RBPMS2: variants seen among roughly 807,000 people sequenced by gnomAD.
RBPMS2 encodes RNA binding protein, mRNA processing factor 2.
A neutral mutation model predicts 25.7 loss-of-function variants in RBPMS2; 14 were observed. The observed-to-expected ratio is 0.55, with a 90% CI of 0.36 to 0.85. RBPMS2 has a LOEUF of 0.85. RBPMS2 is among the 40% of genes least tolerant of loss of function. RBPMS2 has a pLI of 0.01. For synonymous variants in RBPMS2, 127 were observed against 115.6 expected (o/e 1.10, Z -0.63); for missense variants, 252 against 283.4 (o/e 0.89, Z 0.80).
chr15:64,763,230 A>G (rs2083808933), intron 1 of RBPMS2, among the ~76,000 whole-genome samples: 1 of 152,146 alleles, frequency 6.6e-6, no homozygotes, highest in Non-Finnish European at 1.5e-5. Context: ...CCCAGGACTT[A>G]TAAGGCTCTG....
chr15:64,775,012 C>G (rs1487685378), intron 1 of RBPMS2, among the ~76,000 whole-genome samples: 18 of 150,656 alleles, frequency 1.2e-4, no homozygotes, highest in Non-Finnish European at 2.2e-4. Flanking sequence ...GCCTCGAGCC[C>G]GAGAGGGCGG....
At chr15:64,774,732 A>AGGCGGCCGGCCGGCCG (rs1555431926) in intron 1 of RBPMS2, among the ~76,000 whole-genome samples, 1 of 147,068 alleles carries the variant, frequency 6.8e-6, no homozygotes, top group African/African-American at 2.5e-5. Context: ...GGAACCGAGG[A>AGGCGGCCGGCCGGCCG]GCCGGCCGGC....
rs1043862265 is a variant in RBPMS2, at chr15:64,753,920, G to T, written c.88-2282C>A. Among the ~76,000 whole-genome samples, 5 of 152,118 alleles carry T rather than the reference G, an allele frequency of 3.3e-5. No individual in the cohort carries two copies. In the East Asian group the frequency reaches 9.6e-4, roughly 29 times the overall value. On this transcript the variant is annotated intron_variant, in intron 1 of 7. Coordinates refer to ENST00000300069, the MANE Select transcript of RBPMS2 (RefSeq NM_194272.3). The stretch of plus-strand genomic sequence containing the variant: ...CCAGCAGGCCTCTCTGCCCTTTGAT[G>T]TAAGGGCCTTGAGGTGTGCGTGTGA...
chr15:64,760,497 G>C (rs1394647539), intron 1 of RBPMS2, among the ~76,000 whole-genome samples: 1 of 152,120 alleles, frequency 6.6e-6, no homozygotes, highest in South Asian at 2.1e-4. Context: ...TAAGTTTGGA[G>C]GACAAATCCC....
At chr15:64,754,618 A>G (rs2083714969) in intron 1 of RBPMS2, among the ~76,000 whole-genome samples, 1 of 151,734 alleles carries the variant, frequency 6.6e-6, no homozygotes, top group Non-Finnish European at 1.5e-5. Context: ...TCTCAAAAAA[A>G]AAACCCAAAA....
chr15:64,751,566 A>ACGGC lies in RBPMS2; in HGVS notation c.156_159dup (p.Phe54AlafsTer6), dbSNP rs1438813137. On this transcript the variant is annotated frameshift_variant, in exon 2 of 8. Transcript: ENST00000300069. LOFTEE classifies it high-confidence loss of function. ...GCGGCTGGGTCCTGACTCACCTTGA[A>ACGGC]CGGCCGGAAGAGCAAGTAGAGTTCT... 1 of 1,613,614 alleles carries ACGGC rather than the reference A, an allele frequency of 6.2e-7. No homozygotes were observed. Among genetic ancestry groups the ACGGC allele is most frequent in the Non-Finnish European group, 8.5e-7 (1 of 1,179,732 alleles).
chr15:64,756,580 T>C (rs1223925783), intron 1 of RBPMS2, among the ~76,000 whole-genome samples: 1 of 151,914 alleles, frequency 6.6e-6, no homozygotes, highest in African/African-American at 2.4e-5. Flanking sequence ...CCTAGCTTCA[T>C]GCTTGGCCTG....
At chr15:64,745,255 A>G (rs1205304820) in intron 6 of RBPMS2, among the ~76,000 whole-genome samples, 2 of 152,226 alleles carry the variant, frequency 1.3e-5, no homozygotes, top group African/African-American at 4.8e-5. Context: ...ATTGGATGAT[A>G]AGCCAAAGGG....
At chr15:64,753,743 C>T (rs1166743260) in intron 1 of RBPMS2, among the ~76,000 whole-genome samples, 2 of 152,080 alleles carry the variant, frequency 1.3e-5, no homozygotes, top group African/African-American at 4.8e-5. Context: ...CCTCTGTGCC[C>T]GGGGTTGGGG....
chr15:64,756,817 T>TAAG (rs1567067194), intron 1 of RBPMS2, among the ~76,000 whole-genome samples: 3 of 149,158 alleles, frequency 2.0e-5, no homozygotes, highest in African/African-American at 7.4e-5. Flanking sequence ...TTTTTTTTTT[T>TAAG]TTTGGAGAGA....
At chr15:64,770,104 G>A (rs1022984989) in intron 1 of RBPMS2, among the ~76,000 whole-genome samples, 2 of 151,954 alleles carry the variant, frequency 1.3e-5, no homozygotes, top group Non-Finnish European at 2.9e-5. Flanking sequence ...GCTTGAACCT[G>A]GGAGGCAGAG....
intron 1 of RBPMS2, chr15:64,762,569 C>A: frequency 1.9e-6 from 1 of 527,846 alleles, no homozygotes. Flanking sequence ...ACTCAGGGTC[C>A]AGCTCAGAAG....
At chr15:64,765,598 G>C (rs982758786) in intron 1 of RBPMS2, among the ~76,000 whole-genome samples, 2 of 151,574 alleles carry the variant, frequency 1.3e-5, no homozygotes, top group Admixed American at 6.6e-5. Flanking sequence ...AAAAGGGCGG[G>C]GGGGGACCAG....
At chr15:64,757,397 C>A (rs906728646) in intron 1 of RBPMS2, among the ~76,000 whole-genome samples, 4 of 152,190 alleles carry the variant, frequency 2.6e-5, no homozygotes, top group African/African-American at 9.7e-5. Context: ...TTTACCTGCA[C>A]AAGGATCTCC....
At chr15:64,774,318 A>T (rs1215761542) in intron 1 of RBPMS2, among the ~76,000 whole-genome samples, 1 of 152,180 alleles carries the variant, frequency 6.6e-6, no homozygotes, top group Admixed American at 6.5e-5. Context: ...GGCCCTGCGA[A>T]GCCTGTCCCC....
chr15:64,766,452 C>A (rs1197214835), intron 1 of RBPMS2, among the ~76,000 whole-genome samples: 1 of 152,044 alleles, frequency 6.6e-6, no homozygotes, highest in Non-Finnish European at 1.5e-5. Flanking sequence ...GGAGGCTATG[C>A]CAGTGCCTGG....
intron 3 of RBPMS2, among the ~76,000 whole-genome samples, chr15:64,750,128 G>C (rs1040712254): frequency 1.3e-5 from 2 of 152,074 alleles, no homozygotes; most frequent in Non-Finnish European, 2.9e-5. Context: ...AGATTCCTAA[G>C]AAACAGACAG....
At chr15:64,747,127 G>A (rs528976689) in intron 6 of RBPMS2, among the ~76,000 whole-genome samples, 2 of 152,288 alleles carry the variant, frequency 1.3e-5, no homozygotes, top group African/African-American at 4.8e-5. Flanking sequence ...CTCAGCTGGG[G>A]AAGAGCGCCA....
chr15:64,760,915 AG>A (rs1043552064), intron 1 of RBPMS2, among the ~76,000 whole-genome samples: 8 of 151,892 alleles, frequency 5.3e-5, no homozygotes, highest in African/African-American at 1.2e-4. Context: ...CCAACCCACC[AG>A]GAACAGTCAC....
Sources: gnomAD v4.1 joint callset for allele counts (sites outside exome capture counted in the v4.1 genomes callset) on GRCh38, gnomAD v4.1.1 for gene constraint, MANE v1.5 for transcripts, NCBI Gene and HGNC (gene_info 2026-07-23, HGNC 2026-07-21) for gene names.